CALN1: variants seen among roughly 807,000 people sequenced by gnomAD.
The protein encoded by CALN1 is calcium-binding protein 8.
CALN1 carries 17 observed loss-of-function variants against 30.6 expected under a neutral mutation model. The ratio of observed to expected loss-of-function variants is 0.56; its 90% CI spans 0.38 to 0.83. The LOEUF (loss-of-function observed/expected upper bound fraction) is 0.83. Among genes scored for constraint, CALN1 ranks in the 40% least tolerant of loss-of-function variants. The pLI, the probability that CALN1 is intolerant of heterozygous loss-of-function variation, is 0.00. For missense variants in CALN1, 291 were observed against 354.9 expected (o/e 0.82, Z 1.45); for synonymous variants, 156 against 131.4 (o/e 1.19, Z -1.28).
At chr7:72,352,290 G>C (rs576189017) in intron 2 of CALN1, among the ~76,000 whole-genome samples, 54 of 151,066 alleles carry the variant, frequency 3.6e-4, no homozygotes, top group Non-Finnish European at 5.9e-4. Context: ...TTGTGAGGCT[G>C]AGGCAGGAGA....
At chr7:72,376,209 T>C (rs1804543732) in intron 2 of CALN1, among the ~76,000 whole-genome samples, 1 of 152,204 alleles carries the variant, frequency 6.6e-6, no homozygotes, top group Non-Finnish European at 1.5e-5. Context: ...AGCATTTATA[T>C]ACAAGTATTT....
intron 5 of CALN1, among the ~76,000 whole-genome samples, chr7:72,010,808 AAAAAAAAAAG>A (rs1307102987): frequency 6.6e-6 from 1 of 150,606 alleles, no homozygotes; most frequent in Admixed American, 6.6e-5. Flanking sequence ...CCTGTCTCAA[AAAAAAAAAAG>A]AAAAGAAAAG....
intron 3 of CALN1, among the ~76,000 whole-genome samples, chr7:72,175,779 TAAC>T (rs1789306083): frequency 6.6e-6 from 1 of 152,068 alleles, no homozygotes; most frequent in African/African-American, 2.4e-5. Flanking sequence ...ACTTCTCTTC[TAAC>T]AACAAGCAGC....
At chr7:72,073,405 A>G (rs138570939) in intron 4 of CALN1, among the ~76,000 whole-genome samples, 161 of 152,312 alleles carry the variant, frequency 1.1e-3, no homozygotes, top group African/African-American at 3.7e-3. Flanking sequence ...TAAAATTTAT[A>G]TTATGTTTAT....
At position 71,973,942 on chromosome 7, in the gene CALN1, C is replaced by A. The variant is rs185727422; in HGVS notation, c.501+49715G>T. 1.6e-3 allele frequency among the ~76,000 whole-genome samples: 251 copies of A among 152,220 alleles called. 2 individuals carry two copies. The highest frequency in any genetic ancestry group is 5.8e-3 in the African/African-American group (239 of 41,534). ...AGTAGCAGTTAGTTTCAATTACCTT[C>A]GATATACAAAAATGTGGGGATGTGC... On this transcript the variant is annotated intron_variant, in intron 5 of 6. Coordinates refer to ENST00000395275, the MANE Select transcript of CALN1 (RefSeq NM_031468.4).
intron 2 of CALN1, among the ~76,000 whole-genome samples, chr7:72,306,634 AAG>A (rs199706207): frequency 2.9e-5 from 3 of 104,182 alleles, no homozygotes; most frequent in East Asian, 1.1e-3. Flanking sequence ...AAAAAAAAAG[AAG>A]AAAAAAAAAG....
intron 3 of CALN1, among the ~76,000 whole-genome samples, chr7:72,149,218 C>A (rs1787022367): frequency 6.6e-6 from 1 of 152,142 alleles, no homozygotes; most frequent in African/African-American, 2.4e-5. Flanking sequence ...GTAATCCCAG[C>A]ACTTTGGGAG....
intron 2 of CALN1, among the ~76,000 whole-genome samples, chr7:72,304,029 T>C (rs1799477215): frequency 6.6e-6 from 1 of 152,162 alleles, no homozygotes. Flanking sequence ...AGAACAAATG[T>C]AAATGCCTGC....
chr7:71,935,770 G>A (rs1415988923), intron 5 of CALN1, among the ~76,000 whole-genome samples: 1 of 152,174 alleles, frequency 6.6e-6, no homozygotes, highest in Non-Finnish European at 1.5e-5. Flanking sequence ...TGTACTGCCA[G>A]GGCACTGCTT....
intron 5 of CALN1, 52 bp from the exon 6 acceptor site, chr7:71,810,544 T>C (rs948192159): frequency 6.3e-6 from 10 of 1,585,614 alleles, no homozygotes; most frequent in African/African-American, 1.3e-5. Context: ...AGATGGGAAG[T>C]TGGCTCGGGC....
chr7:72,361,011 G>A (rs1478864052), intron 2 of CALN1, among the ~76,000 whole-genome samples: 1 of 152,106 alleles, frequency 6.6e-6, no homozygotes, highest in African/African-American at 2.4e-5. Flanking sequence ...ACAGGCATGA[G>A]CCACCGCACA....
intron 5 of CALN1, among the ~76,000 whole-genome samples, chr7:71,879,647 G>A (rs1369294328): frequency 6.6e-6 from 1 of 152,186 alleles, no homozygotes; most frequent in Non-Finnish European, 1.5e-5. Context: ...AAGATACTCT[G>A]AAGAGCTCCA....
intron 1 of CALN1, among the ~76,000 whole-genome samples, chr7:72,439,249 A>G (rs769282989): frequency 1.1e-4 from 17 of 152,054 alleles, no homozygotes; most frequent in Non-Finnish European, 1.6e-4. Flanking sequence ...CCAGGTTGGT[A>G]TCAAACCCCT....
intron 1 of CALN1, among the ~76,000 whole-genome samples, chr7:72,418,493 C>T (rs1441624030): frequency 6.6e-6 from 1 of 152,160 alleles, no homozygotes; most frequent in Admixed American, 6.5e-5. Flanking sequence ...GGGCTCTGCC[C>T]AGGGTGACTG....
At chr7:71,948,504 C>T (rs10279229) in intron 5 of CALN1, among the ~76,000 whole-genome samples, 2 of 151,688 alleles carry the variant, frequency 1.3e-5, no homozygotes, top group Middle Eastern at 3.2e-3. Context: ...CTGAGGCGGG[C>T]GGATCACCTG....
At chr7:71,943,412 T>C (rs538101744) in intron 5 of CALN1, among the ~76,000 whole-genome samples, 28 of 152,266 alleles carry the variant, frequency 1.8e-4, no homozygotes, top group African/African-American at 6.7e-4. Flanking sequence ...CATGCCTCTG[T>C]TTCCTCTTCT....
At chr7:72,259,419 C>A (rs542318717) in intron 3 of CALN1, among the ~76,000 whole-genome samples, 2 of 152,128 alleles carry the variant, frequency 1.3e-5, no homozygotes, top group East Asian at 1.9e-4. Flanking sequence ...CTGGTCTCAG[C>A]GGTTGTCACC....
At chr7:72,500,060 C>T in the CALN1 span, among the ~76,000 whole-genome samples, 1 of 150,654 alleles carries the variant, frequency 6.6e-6, no homozygotes, top group Non-Finnish European at 1.5e-5. Context: ...TACAGGCATG[C>T]ACCACCAAGT....
chr7:72,437,844 C>T (rs1260387171), intron 1 of CALN1, among the ~76,000 whole-genome samples: 2 of 141,034 alleles, frequency 1.4e-5, no homozygotes, highest in East Asian at 2.1e-4. Flanking sequence ...CCCTTCCATC[C>T]TCCCTTCCTT....
Sources: gnomAD v4.1 joint callset for allele counts (sites outside exome capture counted in the v4.1 genomes callset) on GRCh38, gnomAD v4.1.1 for gene constraint, MANE v1.5 for transcripts, NCBI Gene and HGNC (gene_info 2026-07-23, HGNC 2026-07-21) for gene names.